SMARCA5: variants seen among roughly 807,000 people sequenced by gnomAD.
SMARCA5 encodes SNF2 related chromatin remodeling ATPase 5.
Under a neutral mutation model 140.4 loss-of-function variants are expected in SMARCA5, and 18 were observed. That is an observed-to-expected ratio of 0.13 (90% CI 0.09 to 0.19). The LOEUF is 0.19. Among genes scored for constraint, SMARCA5 ranks in the 10% least tolerant of loss-of-function variants. The pLI is 1.00. For synonymous variants in SMARCA5, 449 were observed against 419.6 expected, an observed-to-expected ratio of 1.07 and a Z score of -0.86; for missense variants, 606 against 1,276.8, an observed-to-expected ratio of 0.47 and a Z score of 8.01.
At chr4:143,515,303 G>A (rs1302426033) in intron 1 of SMARCA5, among the ~76,000 whole-genome samples, 1 of 152,130 alleles carries the variant, frequency 6.6e-6, no homozygotes, top group Non-Finnish European at 1.5e-5. Context: ...GGTAGGTTTA[G>A]TGACATAGGA....
At chr4:143,545,623 G>A in intron 18 of SMARCA5, 40 bp downstream of exon 18, 1 of 1,166,442 alleles carries the variant, frequency 8.6e-7, no homozygotes, top group Non-Finnish European at 1.3e-6. Flanking sequence ...TTCCTATCCA[G>A]AAATTATGGA....
chr4:143,514,232 A>T, intron 1 of SMARCA5, 131 bp downstream of exon 1: 1 of 791,708 alleles, frequency 1.3e-6, no homozygotes, highest in Non-Finnish European at 1.9e-6. Flanking sequence ...CACCCTGTGG[A>T]TACGAAATGA....
At position 143,517,343 on chromosome 4, in the gene SMARCA5, T is replaced by A; in HGVS notation, c.178-12T>A. ...CGAAGACCAATTCTATTTAATTATT[T>A]CTTTCTACCAGGAAATATTTGATGA... On this transcript the variant is annotated splice_polypyrimidine_tract_variant and intron_variant, in intron 1 of 23. Coordinates refer to ENST00000283131, the MANE Select transcript of SMARCA5 (RefSeq NM_003601.4). 1 of 1,593,870 alleles carries A rather than the reference T, an allele frequency of 6.3e-7. No individual in the cohort carries two copies. The highest frequency in any genetic ancestry group is 8.6e-7 in the Non-Finnish European group (1 of 1,167,540).
intron 1 of SMARCA5, among the ~76,000 whole-genome samples, chr4:143,515,385 G>C (rs1215279198): frequency 1.3e-5 from 2 of 152,104 alleles, no homozygotes; most frequent in African/African-American, 2.4e-5. Flanking sequence ...ATTCAGTGTT[G>C]CTTTTTTTTC....
At chr4:143,542,989 C>A (rs1273902747) in intron 14 of SMARCA5, among the ~76,000 whole-genome samples, 1 of 151,980 alleles carries the variant, frequency 6.6e-6, no homozygotes, top group Admixed American at 6.6e-5. Flanking sequence ...AAAAAATAAA[C>A]GAATAAAATA....
intron 22 of SMARCA5, 22 bp downstream of exon 22, chr4:143,548,162 G>C: frequency 2.1e-6 from 3 of 1,435,780 alleles, no homozygotes; most frequent in South Asian, 2.4e-5. Flanking sequence ...GGGCTTTTTT[G>C]TGTAATGTAG....
At chr4:143,538,519 T>C in intron 11 of SMARCA5, 71 bp from the exon 12 acceptor site, 1 of 1,246,728 alleles carries the variant, frequency 8.0e-7, no homozygotes, top group Non-Finnish European at 1.2e-6. Context: ...TTGATTAGTC[T>C]TAGTTTTGGT....
intron 2 of SMARCA5, 122 bp from the exon 3 acceptor site, chr4:143,521,307 A>G: frequency 6.3e-6 from 4 of 637,510 alleles, no homozygotes; most frequent in Non-Finnish European, 1.1e-5. Context: ...TCCATGTTGC[A>G]TTTATCTGTA....
At position 143,513,956 on chromosome 4, in the gene SMARCA5, C is replaced by A. The variant is rs866864993; in HGVS notation, c.32C>A (p.Pro11Gln). ...TCCGCGGCCGAGCCTCCGCCACCCCCGCCTCCCGAGAGCGCGCCTTCCAAG... is the reference window on the plus strand; with the variant it reads ...TCCGCGGCCGAGCCTCCGCCACCCCAGCCTCCCGAGAGCGCGCCTTCCAAG... MSSAAEPPPP[P>Q]PPESAPSKPA... The change falls in exon 1 of 24, where the codon CCG becomes CAG. Residue 11 changes from proline (P) to glutamine (Q), a missense_variant. Transcript: ENST00000283131. 1.3e-6 allele frequency: 2 copies of A among 1,552,126 alleles called. No individual in the cohort carries two copies. The highest frequency in any genetic ancestry group is 2.4e-5 in the East Asian group (1 of 41,804).
chr4:143,514,241 G>A (rs913170532), intron 1 of SMARCA5, 140 bp downstream of exon 1: 1 of 757,802 alleles, frequency 1.3e-6, no homozygotes. Context: ...GATACGAAAT[G>A]ATGCTCTCAC....
intron 11 of SMARCA5, among the ~76,000 whole-genome samples, chr4:143,536,985 A>C (rs1031723445): frequency 1.3e-5 from 2 of 152,154 alleles, no homozygotes; most frequent in African/African-American, 4.8e-5. Flanking sequence ...TCTCCCTCCC[A>C]CACATGGTTA....
Position 143,545,554 on chromosome 4 carries a change from C to A in SMARCA5, c.2368C>A (p.Leu790Met). The stretch of plus-strand genomic sequence containing the variant: ...ATTTGAATTACTGGAAAAAGAAATT[C>A]TGTTTTACAGAAAAACTATTGGGTA... ...RLFELLEKEI[L>M]FYRKTIGYKV... Residue 790 changes from leucine to methionine, a missense_variant, in exon 18 of 24, where the codon CTG becomes ATG. This residue lies in a region of SMARCA5 where 121 missense variants were observed against 227.1 expected (regional missense o/e 0.53). Coordinates refer to ENST00000283131, the MANE Select transcript of SMARCA5 (RefSeq NM_003601.4). The A allele has an allele frequency of 1.9e-6, 3 of 1,603,710 alleles. No individual in the cohort carries two copies. The highest frequency in any genetic ancestry group is 2.6e-6 in the Non-Finnish European group (3 of 1,170,810).
chr4:143,547,919 C>T lies in SMARCA5; in HGVS notation c.2773-9C>T. ...GTATTTTATATAATATAAAATCTGA[C>T]TTTCATAGATTGGACGGTACAAAGC... On this transcript the variant is annotated splice_polypyrimidine_tract_variant and intron_variant, in intron 21 of 23. Coordinates refer to ENST00000283131, the MANE Select transcript of SMARCA5 (RefSeq NM_003601.4). 3.4e-6 allele frequency: 5 copies of T among 1,487,436 alleles called. No individual in the cohort carries two copies. The highest frequency in any genetic ancestry group is 4.6e-6 in the Non-Finnish European group (5 of 1,096,464). The allele number at this position is 1,487,436 out of a possible 1,614,324, so 92.1% of individuals were successfully genotyped here.
intron 3 of SMARCA5, 116 bp from the exon 4 acceptor site, chr4:143,524,251 C>T: frequency 8.5e-6 from 5 of 586,022 alleles, no homozygotes; most frequent in Admixed American, 3.4e-5. Context: ...TGGTTGATGC[C>T]TGTTAAAAAT....
At chr4:143,535,983 T>C (rs1737293842) in intron 10 of SMARCA5, among the ~76,000 whole-genome samples, 1 of 152,186 alleles carries the variant, frequency 6.6e-6, no homozygotes, top group Non-Finnish European at 1.5e-5. Context: ...CTCATCATCA[T>C]GCCTTACCAT....
chr4:143,535,869 T>C (rs888100304), intron 10 of SMARCA5, among the ~76,000 whole-genome samples: 1 of 152,194 alleles, frequency 6.6e-6, no homozygotes, highest in African/African-American at 2.4e-5. Flanking sequence ...TTTTATAATC[T>C]GGCCTTAGCT....
Position 143,521,413 on chromosome 4 carries a change from A to AC in SMARCA5, c.253-16_253-15insC, listed in dbSNP as rs1560811675. On this transcript the variant is annotated splice_polypyrimidine_tract_variant and intron_variant, in intron 2 of 23. Transcript: ENST00000283131. ...TGATACTCTGATAAAATGTATCTTA[A>AC]ATTTTTTTTTTTCAGCAAACTGACC... The AC allele has an allele frequency of 1.3e-6, 2 of 1,575,280 alleles. No homozygotes were observed. The highest frequency in any genetic ancestry group is 2.2e-5 in the East Asian group (1 of 44,500).
intron 9 of SMARCA5, among the ~76,000 whole-genome samples, chr4:143,533,620 GTC>G (rs1737244912): frequency 1.3e-5 from 2 of 149,418 alleles, no homozygotes; most frequent in African/African-American, 2.5e-5. Flanking sequence ...CCATTCTCCT[GTC>G]TCAGCCTCCC....
rs1177920442 is a variant in SMARCA5 at position 143,530,418 on chromosome 4, T to C, written c.1090-40T>C. The C allele has an allele frequency of 2.3e-6, 3 of 1,329,340 alleles. No homozygotes were observed. In the South Asian group the frequency reaches 3.7e-5, roughly 16 times the overall value. 82.3% of individuals were successfully genotyped at this position (1,329,340 alleles called of 1,614,324 possible). On this transcript the variant is annotated intron_variant, in intron 8 of 23. Coordinates refer to ENST00000283131, the MANE Select transcript of SMARCA5 (RefSeq NM_003601.4). ...TGGTATTATAGGGTATTTGTTAATA[T>C]TATCTCTGATCTGAGTATATTTTTT...
Sources: gnomAD v4.1 joint callset for allele counts (sites outside exome capture counted in the v4.1 genomes callset) on GRCh38, gnomAD v4.1.1 for gene constraint, gnomAD v4.1.1 regional missense constraint, MANE v1.5 for transcripts, NCBI Gene and HGNC (gene_info 2026-07-23, HGNC 2026-07-21) for gene names.